Variants in ZFHX4 observed in about 807,000 individuals in gnomAD.
ZFHX4 encodes zinc finger homeobox 4, also known as zinc finger homeobox protein 4.
ZFHX4 carries 56 observed loss-of-function variants against 267.6 expected under a neutral mutation model. The ratio of observed to expected loss-of-function variants is 0.21; its 90% confidence interval spans 0.17 to 0.26. ZFHX4 has a LOEUF of 0.26. Ranked by LOEUF, ZFHX4 falls within the 10% of genes least tolerant of loss-of-function variation. The pLI, the probability that ZFHX4 is intolerant of heterozygous loss-of-function variation, is 1.00. For missense variants in ZFHX4, 4,332 were observed against 4,420.0 expected (o/e 0.98, Z 0.56); for synonymous variants, 1,778 against 1,665.6 (o/e 1.07, Z -1.64).
chr8:76,813,596 G>A (rs1313046444), intron 4 of ZFHX4, among the ~76,000 whole-genome samples: 1 of 152,064 alleles, frequency 6.6e-6, no homozygotes, highest in Non-Finnish European at 1.5e-5. Flanking sequence ...TTATGAAGTT[G>A]CTTTGCATAC....
rs1418213276 is a variant in ZFHX4, at chr8:76,851,541, A to C, written c.4620A>C (p.Pro1540=). The C allele has an allele frequency of 6.2e-7, 1 of 1,613,942 alleles. No individual in the cohort carries two copies. The highest frequency in any genetic ancestry group is 1.1e-5 in the South Asian group (1 of 91,086). ...TMEKFLDPSR[P]YKCTVCKESF... is the part of the protein sequence containing the mutation. The stretch of plus-strand genomic sequence containing the variant: ...AAAAATTCCTTGATCCATCTCGTCC[A>C]TATAAATGTACAGTGTGTAAAGAGT... The change falls in exon 10 of 11, where the codon CCA becomes CCC. Residue 1540 remains proline, a synonymous_variant. Transcript: ENST00000651372.
At chr8:76,729,378 G>A (rs1373909432) in intron 3 of ZFHX4, among the ~76,000 whole-genome samples, 1 of 152,120 alleles carries the variant, frequency 6.6e-6, no homozygotes, top group East Asian at 1.9e-4. Flanking sequence ...GTTTTTATTT[G>A]GTTAGGAATG....
intron 3 of ZFHX4, among the ~76,000 whole-genome samples, chr8:76,777,113 C>T (rs1810419062): frequency 6.6e-6 from 1 of 152,112 alleles, no homozygotes; most frequent in African/African-American, 2.4e-5. Context: ...TACTAAAACT[C>T]ACATAGTTTA....
intron 3 of ZFHX4, among the ~76,000 whole-genome samples, chr8:76,729,945 A>C (rs1379122705): frequency 6.6e-6 from 1 of 152,300 alleles, no homozygotes; most frequent in East Asian, 1.9e-4. Context: ...AGGCCATGTG[A>C]ATCTTTGTAC....
chr8:76,761,686 G>A (rs149490761), intron 3 of ZFHX4, among the ~76,000 whole-genome samples: 2 of 152,152 alleles, frequency 1.3e-5, no homozygotes, highest in Admixed American at 6.5e-5. Context: ...AGAAGGAAAA[G>A]TATTTAATAG....
At chr8:76,751,525 A>G (rs1809613478) in intron 3 of ZFHX4, among the ~76,000 whole-genome samples, 1 of 152,186 alleles carries the variant, frequency 6.6e-6, no homozygotes, top group Non-Finnish European at 1.5e-5. Flanking sequence ...CCTATTTGCC[A>G]TCTTTATGTC....
At chr8:76,751,061 G>A (rs1489739931) in intron 3 of ZFHX4, among the ~76,000 whole-genome samples, 1 of 152,058 alleles carries the variant, frequency 6.6e-6, no homozygotes, top group Admixed American at 6.6e-5. Flanking sequence ...TTTATAGGAA[G>A]CTTAAATTTG....
At chr8:76,798,616 T>C (rs1811042961) in intron 4 of ZFHX4, among the ~76,000 whole-genome samples, 2 of 152,210 alleles carry the variant, frequency 1.3e-5, no homozygotes, top group South Asian at 4.1e-4. Flanking sequence ...ATGGCAAGTG[T>C]ATTTTTTAAA....
chr8:76,725,217 AT>A (rs1808821325), intron 3 of ZFHX4, among the ~76,000 whole-genome samples: 1 of 152,104 alleles, frequency 6.6e-6, no homozygotes, highest in African/African-American at 2.4e-5. Context: ...GCAAATAAAT[AT>A]GGTACACAAT....
intron 3 of ZFHX4, among the ~76,000 whole-genome samples, chr8:76,739,722 G>A (rs1441793795): frequency 6.6e-6 from 1 of 152,120 alleles, no homozygotes; most frequent in Non-Finnish European, 1.5e-5. Context: ...CCTATCACGA[G>A]TAAATGGAAT....
At position 76,852,484 on chromosome 8, in the gene ZFHX4, T is replaced by C. The variant is rs1812560559; in HGVS notation, c.5563T>C (p.Tyr1855His). The C allele has an allele frequency of 1.9e-6, 3 of 1,591,018 alleles. No individual in the cohort carries two copies. Among genetic ancestry groups the C allele is most frequent in the South Asian group, 2.3e-5 (2 of 87,420 alleles). ...CCAAATCATGAAGGATGTGCCATCT[T>C]ATAAGGAGGCAGAAGATATTTCTGA... is the stretch of plus-strand genomic sequence containing the variant. ...DCQIMKDVPS[Y>H]KEAEDISEKP... Residue 1855 changes from tyrosine to histidine, a missense_variant, in exon 10 of 11, where the codon TAT becomes CAT. Physicochemically the swap from Tyr to His is moderately conservative, Grantham distance 83. Coordinates refer to ENST00000651372, the MANE Select transcript of ZFHX4 (RefSeq NM_024721.5).
intron 3 of ZFHX4, among the ~76,000 whole-genome samples, chr8:76,718,457 T>A (rs1434071902): frequency 6.6e-6 from 1 of 152,154 alleles, no homozygotes; most frequent in Non-Finnish European, 1.5e-5. Context: ...TTAGGTAATT[T>A]AAAAAACCCG....
intron 4 of ZFHX4, among the ~76,000 whole-genome samples, chr8:76,797,599 A>C (rs1412734514): frequency 1.3e-5 from 2 of 152,178 alleles, no homozygotes; most frequent in Non-Finnish European, 2.9e-5. Context: ...ATATTTAGTC[A>C]GCCCTTTTAC....
intron 4 of ZFHX4, among the ~76,000 whole-genome samples, chr8:76,791,325 C>G (rs1810830391): frequency 6.6e-6 from 1 of 151,992 alleles, no homozygotes; most frequent in Non-Finnish European, 1.5e-5. Context: ...TATATGGTGT[C>G]CTGGAACGTT....
At chr8:76,828,348 C>T (rs1251957957) in intron 4 of ZFHX4, among the ~76,000 whole-genome samples, 3 of 151,970 alleles carry the variant, frequency 2.0e-5, no homozygotes, top group African/African-American at 7.2e-5. Flanking sequence ...AGAGGCAGTG[C>T]TGTCCAGCGG....
chr8:76,804,343 G>C (rs976308599), intron 4 of ZFHX4, among the ~76,000 whole-genome samples: 5 of 151,938 alleles, frequency 3.3e-5, no homozygotes, highest in African/African-American at 7.3e-5. Context: ...TGTATATTTA[G>C]TGACTTTATG....
Position 76,706,772 on chromosome 8 carries a change from A to G in ZFHX4, c.2590+94A>G, listed in dbSNP as rs538857539. 62 of 1,326,232 alleles carry G rather than the reference A, an allele frequency of 4.7e-5. No homozygotes were observed. In the African/African-American group the frequency reaches 9.2e-4, roughly 20 times the overall value. 82.2% of individuals were successfully genotyped at this position (1,326,232 alleles called of 1,614,324 possible). A position where few individuals can be genotyped will look rare whatever the true frequency, so the allele number is the denominator to read the frequency against. ...CAGATAAAATGGTGAGTGCCAACAA[A>G]TTGAGGACAGCTTACTAGAAAGGAC... On this transcript the variant is annotated intron_variant, in intron 2 of 10. Transcript: ENST00000651372.
chr8:76,713,249 A>G (rs1808472185), intron 3 of ZFHX4, among the ~76,000 whole-genome samples: 1 of 151,966 alleles, frequency 6.6e-6, no homozygotes, highest in Admixed American at 6.6e-5. Context: ...GTGACGAAAA[A>G]TCTGTCAATC....
rs750451912 is a variant in ZFHX4, at chr8:76,852,607, C to T, written c.5686C>T (p.Pro1896Ser). Residue 1896 changes from proline (P) to serine (S), a missense_variant, in exon 10 of 11, where the codon CCA (proline) becomes TCA (serine). Physicochemically the swap from Pro to Ser is moderately conservative, Grantham distance 74. Transcript: ENST00000651372. ...KKQKSLEPSI[P>S]PPRIASGARG... ...GCAAAAATCCTTGGAACCATCCATC[C>T]CACCACCCCGAATAGCTTCAGGGGC... The T allele has an allele frequency of 5.6e-6, 9 of 1,612,394 alleles. No homozygotes were observed. The highest frequency in any genetic ancestry group is 7.6e-6 in the Non-Finnish European group (9 of 1,179,046).
Sources: gnomAD v4.1 joint callset for allele counts (sites outside exome capture counted in the v4.1 genomes callset) on GRCh38, gnomAD v4.1.1 for gene constraint, MANE v1.5 for transcripts, NCBI Gene and HGNC (gene_info 2026-07-23, HGNC 2026-07-21) for gene names.